ICA1: variants seen among roughly 807,000 people sequenced by gnomAD.
ICA1 encodes 69 kDa islet cell autoantigen.
ICA1 carries 40 observed loss-of-function variants against 71.0 expected under a neutral mutation model. The observed-to-expected ratio is 0.56, with a 90% CI of 0.44 to 0.73. The LOEUF is 0.73. ICA1 is among the 30% of genes least tolerant of loss of function. ICA1 has a pLI of 0.00. For synonymous variants in ICA1, 207 were observed against 209.5 expected (o/e 0.99, Z 0.10); for missense variants, 578 against 576.5 (o/e 1.00, Z -0.03).
In ICA1 at chr7:8,123,531, A is replaced by G. The variant is rs1434999566; in HGVS notation, c.1330+4342T>C. ...CCAGGAAAACCTGAGATGCAGCAGG[A>G]GTGTGCCAGAGCGAATGTAGCTGCT... On this transcript the variant is annotated intron_variant, in intron 13 of 13. Transcript: ENST00000402384. The surrounding 1 kb of genome is among the most constrained non-coding windows in gnomAD (Gnocchi z 4.1). Among the ~76,000 whole-genome samples, 1 of 152,198 alleles carries G rather than the reference A, an allele frequency of 6.6e-6. No homozygotes were observed. Among genetic ancestry groups the G allele is most frequent in the Non-Finnish European group, 1.5e-5 (1 of 68,038 alleles).
chr7:8,148,525 C>T (rs777494224), intron 8 of ICA1, among the ~76,000 whole-genome samples: 17 of 151,982 alleles, frequency 1.1e-4, no homozygotes, highest in Admixed American at 1.1e-3. Flanking sequence ...ATTGTTACAT[C>T]GTAAGAACTT....
chr7:8,210,831 G>T (rs1053988054), intron 6 of ICA1, among the ~76,000 whole-genome samples: 3 of 152,172 alleles, frequency 2.0e-5, no homozygotes, highest in African/African-American at 7.2e-5. Context: ...CCTCACCTCA[G>T]CTTCCTGGGT....
At position 8,259,463 on chromosome 7, in the gene ICA1, A is replaced by G. The variant is rs73675123; in HGVS notation, c.-80+2631T>C. Among the ~76,000 whole-genome samples, 1,359 of 152,326 alleles carry G rather than the reference A, an allele frequency of 8.9e-3. 25 individuals are homozygous for G. Among genetic ancestry groups the G allele is most frequent in the African/African-American group, 0.031 (1,291 of 41,572 alleles). ...TACAAAATTATTTGAACTACTCAAA[A>G]CCAAATTGAAATACACTTCCTATCA... On this transcript the variant is annotated intron_variant, in intron 1 of 13. Transcript: ENST00000402384.
intron 1 of ICA1, among the ~76,000 whole-genome samples, chr7:8,245,402 C>T (rs957953755): frequency 1.6e-5 from 2 of 126,836 alleles, no homozygotes; most frequent in East Asian, 2.3e-4. Context: ...CACACTGGGG[C>T]CTGTTGTGGG....
chr7:8,150,399 C>A (rs1798400356), intron 8 of ICA1, among the ~76,000 whole-genome samples: 1 of 152,234 alleles, frequency 6.6e-6, no homozygotes, highest in Non-Finnish European at 1.5e-5. Context: ...AAGTGCTCCT[C>A]CTGTGGCAGG....
Position 8,132,799 on chromosome 7 carries a change from T to C in ICA1, c.1061-4657A>G, listed in dbSNP as rs1791963608. Among the ~76,000 whole-genome samples the C allele has an allele frequency of 6.6e-6, 1 of 152,206 alleles. No individual in the cohort carries two copies. Among genetic ancestry groups the C allele is most frequent in the African/African-American group, 2.4e-5 (1 of 41,450 alleles). On this transcript the variant is annotated intron_variant, in intron 12 of 13. Transcript: ENST00000402384. This position sits in a 1 kb window ranked among gnomAD's most constrained non-coding sequence, Gnocchi z 4.5. Reference sequence around the variant, plus strand: ...GGGTTCCAATGTCACCTCAGAAGGTTCTCCAATCTCTACCTCCAATTCCAA... The same window carrying C: ...GGGTTCCAATGTCACCTCAGAAGGTCCTCCAATCTCTACCTCCAATTCCAA...
At chr7:8,116,673 T>A (rs1466592679) in intron 13 of ICA1, 2 of 152,234 alleles carry the variant, frequency 1.3e-5, no homozygotes, top group Non-Finnish European at 2.9e-5. Context: ...TGCCTTGTTT[T>A]TCTGTCACAA....
At chr7:8,261,060 C>G (rs1812147159) in intron 1 of ICA1, among the ~76,000 whole-genome samples, 1 of 152,164 alleles carries the variant, frequency 6.6e-6, no homozygotes, top group African/African-American at 2.4e-5. Context: ...CCCAAGCAAG[C>G]TGGTGACATA....
chr7:8,121,969 G>C (rs769880759), intron 13 of ICA1, among the ~76,000 whole-genome samples: 1 of 152,204 alleles, frequency 6.6e-6, no homozygotes, highest in Non-Finnish European at 1.5e-5. Flanking sequence ...TTAAGTACAG[G>C]TTGTCATGGA....
intron 1 of ICA1, among the ~76,000 whole-genome samples, chr7:8,244,490 A>G (rs983973246): frequency 1.3e-5 from 2 of 152,232 alleles, no homozygotes; most frequent in African/African-American, 4.8e-5. Context: ...TTCAGGACAT[A>G]GGCATGGGCA....
chr7:8,231,283 T>C (rs977281902), intron 3 of ICA1, among the ~76,000 whole-genome samples: 45 of 151,790 alleles, frequency 3.0e-4, no homozygotes, highest in African/African-American at 7.8e-4. Flanking sequence ...GTGAGGGCAA[T>C]GTAAGCGTGT....
intron 4 of ICA1, among the ~76,000 whole-genome samples, chr7:8,224,530 T>C (rs1798052371): frequency 6.6e-6 from 1 of 152,216 alleles, no homozygotes; most frequent in African/African-American, 2.4e-5. Flanking sequence ...AGTTCCTGTA[T>C]ACATTTCCCT....
rs575903061 is a variant in ICA1, at chr7:8,204,440, G to A, written c.579+13865C>T. Among the ~76,000 whole-genome samples the A allele has an allele frequency of 8.5e-5, 13 of 152,322 alleles. No individual in the cohort carries two copies. In the South Asian group the frequency reaches 2.3e-3, roughly 27 times the overall value. On this transcript the variant is annotated intron_variant, in intron 6 of 13. Coordinates refer to ENST00000402384, the MANE Select transcript of ICA1 (RefSeq NM_001136020.3). The stretch of plus-strand genomic sequence containing the variant: ...CGCTAAACTCTTGTGCAGTTTTAAC[G>A]AAGTAATGAATATGAAACAGCTTTG...
intron 12 of ICA1, among the ~76,000 whole-genome samples, chr7:8,136,803 G>A (rs1045324242): frequency 1.3e-5 from 2 of 152,212 alleles, no homozygotes; most frequent in Non-Finnish European, 2.9e-5. Flanking sequence ...TGGACTGCTA[G>A]TCTACAAAAC....
At chr7:8,197,257 A>AT (rs1168867823) in intron 6 of ICA1, among the ~76,000 whole-genome samples, 2 of 151,992 alleles carry the variant, frequency 1.3e-5, no homozygotes, top group East Asian at 3.9e-4. Flanking sequence ...TGCCAACCAC[A>AT]TTAAAAAAAA....
chr7:8,200,880 T>G (rs780553808), intron 6 of ICA1, among the ~76,000 whole-genome samples: 8 of 152,344 alleles, frequency 5.3e-5, no homozygotes, highest in Middle Eastern at 3.4e-3. Context: ...AAGCCATGTC[T>G]AGCTTTGGCT....
At chr7:8,224,425 A>T (rs1485400933) in intron 4 of ICA1, among the ~76,000 whole-genome samples, 4 of 151,846 alleles carry the variant, frequency 2.6e-5, no homozygotes, top group Non-Finnish European at 5.9e-5. Context: ...GGAGGCTTTT[A>T]AAAGTAGGGG....
intron 13 of ICA1, among the ~76,000 whole-genome samples, chr7:8,118,853 C>T (rs1415709491): frequency 6.6e-6 from 1 of 152,184 alleles, no homozygotes; most frequent in African/African-American, 2.4e-5. Flanking sequence ...ACAATGTGGG[C>T]CCTCAACAGA....
rs368604804 is a variant in ICA1 at position 8,228,617 on chromosome 7, A to G, written c.240T>C (p.Tyr80=). 4.0e-5 allele frequency: 63 copies of G among 1,593,706 alleles called. No homozygotes were observed. The highest frequency in any genetic ancestry group is 4.9e-5 in the Non-Finnish European group (57 of 1,167,822). The change falls in exon 4 of 14, where the codon TAT becomes TAC. Residue 80 remains tyrosine, a synonymous_variant. Transcript: ENST00000402384. ...CLDLSKAIVL[Y]QKRICFLSQE... ...CATACTTACAACATATCCTCTTTTG[A>G]TAGAGTACAATTGCTTTCGATAAGT...
Sources: gnomAD v4.1 joint callset for allele counts (sites outside exome capture counted in the v4.1 genomes callset) on GRCh38, gnomAD v4.1.1 for gene constraint, Gnocchi (gnomAD v3.1) non-coding constraint, MANE v1.5 for transcripts, NCBI Gene and HGNC (gene_info 2026-07-23, HGNC 2026-07-21) for gene names.